Variants in CADM2 observed in about 807,000 individuals in gnomAD.
The protein encoded by CADM2 is cell adhesion molecule 2, also known as immunoglobulin superfamily member 4D.
In CADM2, 12 loss-of-function variants were observed where a neutral mutation model predicts 49.8. The ratio of observed to expected loss-of-function variants is 0.24; its 90% CI spans 0.15 to 0.39. CADM2 has a LOEUF of 0.39. Ranked by LOEUF, CADM2 falls within the 10% of genes least tolerant of loss-of-function variation. CADM2 has a pLI of 1.00. For missense variants in CADM2, 378 were observed against 492.3 expected, an observed-to-expected ratio of 0.77 and a Z score of 2.20; for synonymous variants, 214 against 175.4, an observed-to-expected ratio of 1.22 and a Z score of -1.74.
In CADM2 at chr3:85,956,523, C is replaced by T. The variant is rs557134507; in HGVS notation, c.792-4946C>T. Among the ~76,000 whole-genome samples, 16 of 151,654 alleles carry T rather than the reference C, an allele frequency of 1.1e-4. No individual in the cohort carries two copies. The South Asian group carries it at 3.3e-3, about 31-fold the overall frequency. On this transcript the variant is annotated intron_variant, in intron 7 of 9. Coordinates refer to ENST00000383699, the MANE Select transcript of CADM2 (RefSeq NM_001167675.2). ...TGCATCTTATGATGCTATTTTGCCA[C>T]CTTGAAGATTTATCACAGAGACTAG...
At chr3:85,532,923 A>G (rs2061347071) in intron 1 of CADM2, among the ~76,000 whole-genome samples, 1 of 152,128 alleles carries the variant, frequency 6.6e-6, no homozygotes, top group South Asian at 2.1e-4. Flanking sequence ...CAAATACCAC[A>G]TGTTCTCACT....
chr3:85,311,388 T>TTATTATTA (rs776805946), intron 1 of CADM2, among the ~76,000 whole-genome samples: 3 of 148,552 alleles, frequency 2.0e-5, no homozygotes, highest in African/African-American at 5.1e-5. Flanking sequence ...TATTATTATT[T>TTATTATTA]TTTTTGAAAC....
At chr3:85,225,952 G>A (rs769309351) in intron 1 of CADM2, among the ~76,000 whole-genome samples, 4 of 152,254 alleles carry the variant, frequency 2.6e-5, no homozygotes, top group Non-Finnish European at 4.4e-5. Context: ...GGATGAAGCC[G>A]ACTTCATCGT....
chr3:85,623,604 T>A (rs1163125381), intron 1 of CADM2, among the ~76,000 whole-genome samples: 5 of 152,134 alleles, frequency 3.3e-5, no homozygotes, highest in African/African-American at 1.2e-4. Flanking sequence ...AGAGCAAGTG[T>A]TATAATTGGA....
chr3:85,066,087 C>G (rs558586311), intron 1 of CADM2, among the ~76,000 whole-genome samples: 1 of 151,886 alleles, frequency 6.6e-6, no homozygotes, highest in Non-Finnish European at 1.5e-5. Flanking sequence ...CTACAACAAA[C>G]TAAAAGAAAA....
chr3:85,634,096 C>G (rs2064389517), intron 1 of CADM2, among the ~76,000 whole-genome samples: 1 of 151,808 alleles, frequency 6.6e-6, no homozygotes, highest in African/African-American at 2.4e-5. Context: ...GCTCATAGGG[C>G]CTTTTTTGGC....
At chr3:85,953,204 C>T (rs1235252619) in intron 7 of CADM2, among the ~76,000 whole-genome samples, 3 of 150,928 alleles carry the variant, frequency 2.0e-5, no homozygotes, top group Non-Finnish European at 4.5e-5. Context: ...TATAGACTTT[C>T]TCTTGGACTA....
At chr3:85,120,284 A>G (rs2038806272) in intron 1 of CADM2, among the ~76,000 whole-genome samples, 1 of 152,174 alleles carries the variant, frequency 6.6e-6, no homozygotes, top group Non-Finnish European at 1.5e-5. Context: ...GCGATTCCTC[A>G]AGGATCTAGA....
intron 1 of CADM2, among the ~76,000 whole-genome samples, chr3:85,600,318 A>G (rs1256889823): frequency 1.3e-5 from 2 of 152,078 alleles, no homozygotes; most frequent in Non-Finnish European, 1.5e-5. Flanking sequence ...TCAATGAAGC[A>G]CCTATAACTT....
intron 1 of CADM2, among the ~76,000 whole-genome samples, chr3:85,061,640 C>A (rs576774594): frequency 1.3e-5 from 2 of 152,120 alleles, no homozygotes; most frequent in East Asian, 1.9e-4. Context: ...TTGAATGTCA[C>A]CAAAGAGGGC....
chr3:85,558,234 G>A (rs959387483), intron 1 of CADM2, among the ~76,000 whole-genome samples: 4 of 151,816 alleles, frequency 2.6e-5, no homozygotes, highest in Non-Finnish European at 5.9e-5. Context: ...ATTATTATAA[G>A]AAATATAAGT....
At chr3:86,009,370 A>T (rs1465656015) in intron 8 of CADM2, among the ~76,000 whole-genome samples, 1 of 150,424 alleles carries the variant, frequency 6.6e-6, no homozygotes, top group Non-Finnish European at 1.5e-5. Context: ...TATTTCAGAA[A>T]TTTAAGGGAG....
chr3:84,973,195 G>A (rs2031583370), intron 1 of CADM2, among the ~76,000 whole-genome samples: 2 of 152,170 alleles, frequency 1.3e-5, no homozygotes, highest in African/African-American at 4.8e-5. Flanking sequence ...TTACAGGCAT[G>A]AGCCACTGTG....
chr3:85,082,931 A>G (rs1235783293), intron 1 of CADM2, among the ~76,000 whole-genome samples: 1 of 152,172 alleles, frequency 6.6e-6, no homozygotes, highest in Non-Finnish European at 1.5e-5. Flanking sequence ...GAAGTTTAAA[A>G]AAATAACAAT....
intron 1 of CADM2, among the ~76,000 whole-genome samples, chr3:85,426,591 T>C (rs1351416215): frequency 6.6e-6 from 1 of 152,010 alleles, no homozygotes; most frequent in Non-Finnish European, 1.5e-5. Flanking sequence ...GAGAATAGGG[T>C]ATCCATCCCC....
intron 1 of CADM2, among the ~76,000 whole-genome samples, chr3:84,997,302 A>G (rs1248418948): frequency 3.9e-5 from 6 of 152,050 alleles, no homozygotes. Flanking sequence ...CACATGATGC[A>G]TTTTTAGATG....
intron 1 of CADM2, among the ~76,000 whole-genome samples, chr3:85,134,210 C>T (rs6793583): frequency 3.3e-5 from 5 of 152,192 alleles, no homozygotes; most frequent in Non-Finnish European, 7.3e-5. Context: ...CCGCAAGCGC[C>T]GCGCGCAGCC....
At chr3:85,319,006 C>T (rs1459567151) in intron 1 of CADM2, among the ~76,000 whole-genome samples, 6 of 152,072 alleles carry the variant, frequency 3.9e-5, no homozygotes, top group Non-Finnish European at 8.8e-5. Flanking sequence ...GTTTATAAGA[C>T]AGAGAAGTTT....
At chr3:86,012,605 C>T in intron 8 of CADM2, 1 of 1,580,368 alleles carries the variant, frequency 6.3e-7, no homozygotes, top group South Asian at 1.1e-5. Flanking sequence ...GAAGCGCACG[C>T]AGTCCGACCT....
Sources: allele counts gnomAD v4.1 joint callset (sites outside exome capture counted in the v4.1 genomes callset), GRCh38; gene constraint gnomAD v4.1.1; transcripts MANE v1.5; gene names NCBI Gene and HGNC (gene_info 2026-07-23, HGNC 2026-07-21).